The following ANKS1B variants were observed in gnomAD, a reference collection of about 807,000 sequenced individuals.
ANKS1B encodes the protein ankyrin repeat and sterile alpha motif domain-containing protein 1B.
ANKS1B carries 36 observed loss-of-function variants against 148.3 expected under a neutral mutation model. The observed-to-expected ratio is 0.24, with a 90% confidence interval of 0.19 to 0.32. The LOEUF is 0.32. Among genes scored for constraint, ANKS1B ranks in the 10% least tolerant of loss-of-function variants. The pLI is 1.00. For missense variants in ANKS1B, 1,157 were observed against 1,542.6 expected (o/e 0.75, Z 4.19); for synonymous variants, 542 against 560.8 (o/e 0.97, Z 0.47).
chr12:98,790,493 A>AT (rs139135039), intron 22 of ANKS1B, among the ~76,000 whole-genome samples: 6,840 of 151,970 alleles, frequency 0.045, 220 homozygotes, highest in East Asian at 0.13. Flanking sequence ...TAAAAACAGT[A>AT]TTTTTTTTGG....
intron 1 of ANKS1B, among the ~76,000 whole-genome samples, chr12:99,966,949 A>G (rs528202499): frequency 6.6e-6 from 1 of 152,104 alleles, no homozygotes; most frequent in African/African-American, 2.4e-5. Context: ...GAAAAAAGCA[A>G]TCCTCTGCCT....
chr12:99,716,353 TG>T (rs937747454), intron 8 of ANKS1B, among the ~76,000 whole-genome samples: 2 of 151,954 alleles, frequency 1.3e-5, no homozygotes, highest in Non-Finnish European at 2.9e-5. Flanking sequence ...CCCACTTTTC[TG>T]GAGGGTAAGA....
At chr12:99,738,193 T>A (rs1348825923) in intron 8 of ANKS1B, among the ~76,000 whole-genome samples, 1 of 152,206 alleles carries the variant, frequency 6.6e-6, no homozygotes, top group East Asian at 1.9e-4. Context: ...AAGCTCAGAT[T>A]GGCAAAAGAC....
At chr12:99,270,556 C>T (rs536117445) in intron 12 of ANKS1B, among the ~76,000 whole-genome samples, 1 of 152,320 alleles carries the variant, frequency 6.6e-6, no homozygotes, top group East Asian at 1.9e-4. Flanking sequence ...AGTGCCCAAA[C>T]TCTGTGGCAA....
intron 12 of ANKS1B, among the ~76,000 whole-genome samples, chr12:99,311,056 A>C (rs941375639): frequency 2.0e-5 from 3 of 152,186 alleles, no homozygotes; most frequent in Admixed American, 1.3e-4. Flanking sequence ...TAAATGTTGG[A>C]TAAATGTTAC....
intron 17 of ANKS1B, among the ~76,000 whole-genome samples, chr12:98,981,446 C>T (rs2099910496): frequency 6.6e-6 from 1 of 152,136 alleles, no homozygotes; most frequent in South Asian, 2.1e-4. Context: ...AGGGATTCTG[C>T]TGCCTCAGCC....
intron 9 of ANKS1B, among the ~76,000 whole-genome samples, chr12:99,654,456 G>A (rs1181763540): frequency 6.6e-6 from 1 of 152,026 alleles, no homozygotes; most frequent in Admixed American, 6.6e-5. Context: ...CCTATCTCTG[G>A]AATATTTTAG....
At chr12:99,872,049 A>G (rs975308342) in intron 1 of ANKS1B, among the ~76,000 whole-genome samples, 2 of 152,318 alleles carry the variant, frequency 1.3e-5, no homozygotes, top group East Asian at 1.9e-4. Context: ...TTAGAAAGTA[A>G]TAAGGCAAAC....
intron 17 of ANKS1B, among the ~76,000 whole-genome samples, chr12:99,005,708 G>A (rs1169393440): frequency 1.3e-5 from 2 of 152,134 alleles, no homozygotes; most frequent in African/African-American, 2.4e-5. Flanking sequence ...TCCTGTTTAG[G>A]AATGTGTAGT....
chr12:99,098,420 G>T (rs981739373), intron 15 of ANKS1B, among the ~76,000 whole-genome samples: 15 of 152,182 alleles, frequency 9.9e-5, no homozygotes, highest in African/African-American at 3.1e-4. Context: ...AAAAGGAATT[G>T]AGTGCTCCTG....
chr12:99,169,779 A>G (rs2077557895), intron 14 of ANKS1B, among the ~76,000 whole-genome samples: 1 of 152,204 alleles, frequency 6.6e-6, no homozygotes, highest in African/African-American at 2.4e-5. Flanking sequence ...TTTATAGGGA[A>G]TGAAAATAAG....
At position 99,591,185 on chromosome 12, in the gene ANKS1B, A is replaced by G. The variant is rs555354831; in HGVS notation, c.1272+63882T>C. On this transcript the variant is annotated intron_variant, in intron 9 of 26. Transcript: ENST00000683438. ...AGTTTTTGTTCCAATGACTTTACAG[A>G]GTTAGTCCCAGAGAAACCAATGAGA... Among the ~76,000 whole-genome samples, 55 of 152,200 alleles carry G rather than the reference A, an allele frequency of 3.6e-4. No homozygotes were observed. The South Asian group carries it at 9.7e-3, about 27-fold the overall frequency.
intron 14 of ANKS1B, among the ~76,000 whole-genome samples, chr12:99,240,492 T>C (rs1051903876): frequency 1.5e-4 from 23 of 152,158 alleles, no homozygotes; most frequent in African/African-American, 5.6e-4. Flanking sequence ...CTGCCAATAT[T>C]AGACAGATCA....
intron 17 of ANKS1B, among the ~76,000 whole-genome samples, chr12:98,966,382 T>TA (rs1404434654): frequency 1.3e-5 from 2 of 152,044 alleles, no homozygotes; most frequent in African/African-American, 4.8e-5. Context: ...TGGCAATCAT[T>TA]AAAAAATCAG....
chr12:99,442,309 C>T (rs190666678), intron 11 of ANKS1B, among the ~76,000 whole-genome samples: 198 of 151,916 alleles, frequency 1.3e-3, no homozygotes, highest in African/African-American at 4.4e-3. Context: ...GGATTACAAC[C>T]GTGTGCCACT....
At chr12:99,402,519 G>A (rs1257636224) in intron 11 of ANKS1B, among the ~76,000 whole-genome samples, 4 of 145,142 alleles carry the variant, frequency 2.8e-5, no homozygotes, top group African/African-American at 1.1e-4. Flanking sequence ...CCCTCTATGT[G>A]TCCATGTGTT....
intron 12 of ANKS1B, among the ~76,000 whole-genome samples, chr12:99,261,311 C>T (rs561266010): frequency 4.8e-4 from 73 of 152,260 alleles, no homozygotes; most frequent in African/African-American, 1.8e-3. Flanking sequence ...TCCCAAGGTA[C>T]CACACTCTTC....
At chr12:99,394,855 C>T (rs1304320674) in intron 12 of ANKS1B, among the ~76,000 whole-genome samples, 1 of 152,292 alleles carries the variant, frequency 6.6e-6, no homozygotes, top group East Asian at 1.9e-4. Flanking sequence ...GCCTACTTGA[C>T]ACATCTATTC....
At chr12:98,805,908 G>C (rs1014236732) in intron 20 of ANKS1B, among the ~76,000 whole-genome samples, 4 of 152,134 alleles carry the variant, frequency 2.6e-5, no homozygotes, top group African/African-American at 4.8e-5. Context: ...GTCTCCCTCT[G>C]TCACCCAGGC....
Sources: gnomAD v4.1 joint callset for allele counts (sites outside exome capture counted in the v4.1 genomes callset) on GRCh38, gnomAD v4.1.1 for gene constraint, MANE v1.5 for transcripts, NCBI Gene and HGNC (gene_info 2026-07-23, HGNC 2026-07-21) for gene names.